Variants in AP3S1 observed in about 807,000 individuals in gnomAD.
The protein encoded by AP3S1 is adaptor related protein complex 3 subunit sigma 1.
AP3S1 carries 12 observed loss-of-function variants against 21.3 expected under a neutral mutation model. The observed-to-expected ratio is 0.56, with a 90% CI of 0.36 to 0.91. The LOEUF is 0.91. Ranked by LOEUF, AP3S1 falls within the 40% of genes least tolerant of loss-of-function variation. The pLI is 0.01. For synonymous variants in AP3S1, 48 were observed against 78.4 expected, an observed-to-expected ratio of 0.61 and a Z score of 2.05; for missense variants, 116 against 225.0, an observed-to-expected ratio of 0.52 and a Z score of 3.10.
At chr5:115,864,713 G>A (rs1214734735) in intron 1 of AP3S1, among the ~76,000 whole-genome samples, 2 of 152,188 alleles carry the variant, frequency 1.3e-5, no homozygotes, top group African/African-American at 2.4e-5. Context: ...AAAAAAGGTG[G>A]GAGAATGAAG....
At chr5:115,899,107 G>A (rs1170055460) in intron 4 of AP3S1, among the ~76,000 whole-genome samples, 1 of 152,172 alleles carries the variant, frequency 6.6e-6, no homozygotes, top group African/African-American at 2.4e-5. Context: ...CAAGTGATTA[G>A]GGTAGAGATC....
intron 1 of AP3S1, among the ~76,000 whole-genome samples, chr5:115,861,648 A>G (rs1191704649): frequency 6.6e-6 from 1 of 151,934 alleles, no homozygotes; most frequent in Non-Finnish European, 1.5e-5. Flanking sequence ...TCCACCTCCC[A>G]GGCTCAAGCA....
chr5:115,879,741 C>G (rs531198941), intron 3 of AP3S1, among the ~76,000 whole-genome samples: 1 of 152,238 alleles, frequency 6.6e-6, no homozygotes, highest in African/African-American at 2.4e-5. Context: ...GGAGGAGACT[C>G]TCTTTTTCCA....
At chr5:115,882,643 C>T (rs1270037933) in intron 3 of AP3S1, among the ~76,000 whole-genome samples, 4 of 152,182 alleles carry the variant, frequency 2.6e-5, no homozygotes, top group Non-Finnish European at 5.9e-5. Flanking sequence ...TTGACCCGTG[C>T]TGGGAGGTGT....
intron 4 of AP3S1, among the ~76,000 whole-genome samples, chr5:115,900,241 C>G (rs1251849695): frequency 6.6e-6 from 1 of 152,100 alleles, no homozygotes; most frequent in African/African-American, 2.4e-5. Flanking sequence ...GGTTGCTTTT[C>G]TAATATCCAC....
intron 1 of AP3S1, among the ~76,000 whole-genome samples, chr5:115,845,362 A>G (rs538728408): frequency 1.6e-4 from 24 of 152,304 alleles, no homozygotes; most frequent in African/African-American, 5.8e-4. Flanking sequence ...ATCTCCCTCA[A>G]ATATAACAAC....
In AP3S1 at chr5:115,913,550, T is replaced by C; in HGVS notation, c.*60T>C. The C allele has an allele frequency of 6.3e-7, 1 of 1,577,822 alleles. No individual in the cohort carries two copies. The highest frequency in any genetic ancestry group is 1.2e-5 in the South Asian group (1 of 83,860). ...GGGGAAGAGTCATCTAAGTTTACCA[T>C]GCAGTTGTTTACCAAAAATAGAGGA... On this transcript the variant is annotated 3_prime_UTR_variant, in exon 6 of 6. Coordinates refer to ENST00000316788, the MANE Select transcript of AP3S1 (RefSeq NM_001284.4).
intron 3 of AP3S1, among the ~76,000 whole-genome samples, chr5:115,892,991 CTG>C (rs763819689): frequency 2.6e-5 from 4 of 152,122 alleles, no homozygotes; most frequent in Non-Finnish European, 5.9e-5. Context: ...ACAAAATTAA[CTG>C]TATATATTAA....
At chr5:115,890,159 A>G (rs1057051050) in intron 3 of AP3S1, among the ~76,000 whole-genome samples, 1 of 152,226 alleles carries the variant, frequency 6.6e-6, no homozygotes, top group Non-Finnish European at 1.5e-5. Context: ...TACAATCAGT[A>G]GATATGTGTA....
chr5:115,850,041 A>T (rs922156999), intron 1 of AP3S1, among the ~76,000 whole-genome samples: 13 of 152,130 alleles, frequency 8.5e-5, no homozygotes, highest in East Asian at 5.8e-4. Flanking sequence ...TTCTTAGCTT[A>T]TTGTCTTAAT....
chr5:115,875,634 C>T (rs1449170593), intron 3 of AP3S1, among the ~76,000 whole-genome samples: 1 of 152,206 alleles, frequency 6.6e-6, no homozygotes, highest in Non-Finnish European at 1.5e-5. Flanking sequence ...GGTGCAGTTC[C>T]TCCTGCTGGA....
At chr5:115,890,939 C>CAA (rs1229422526) in intron 3 of AP3S1, among the ~76,000 whole-genome samples, 1 of 152,084 alleles carries the variant, frequency 6.6e-6, no homozygotes, top group Non-Finnish European at 1.5e-5. Context: ...CTCTTCACTC[C>CAA]TATTATTACT....
intron 4 of AP3S1, among the ~76,000 whole-genome samples, chr5:115,902,485 A>G (rs1181545821): frequency 1.3e-5 from 2 of 152,134 alleles, no homozygotes; most frequent in Non-Finnish European, 2.9e-5. Flanking sequence ...TAATAACCTA[A>G]TTATTGTTGG....
chr5:115,898,517 A>C (rs1356216657), intron 4 of AP3S1: 1 of 152,240 alleles, frequency 6.6e-6, no homozygotes, highest in African/African-American at 2.4e-5. Context: ...TTTATTACTC[A>C]CATAATGAGG....
At position 115,888,471 on chromosome 5, in the gene AP3S1, C is replaced by T. The variant is rs533564740; in HGVS notation, c.274-6616C>T. Among the ~76,000 whole-genome samples the T allele has an allele frequency of 1.1e-4, 16 of 152,102 alleles. No individual in the cohort carries two copies. The South Asian group carries it at 3.1e-3, about 30-fold the overall frequency. On this transcript the variant is annotated intron_variant, in intron 3 of 5. Transcript: ENST00000316788. ...TGATATTAAATAATTTTTGCTAAAT[C>T]AAAAGAAAATTAGAAAGTCTTTTGA... is the stretch of plus-strand genomic sequence containing the variant.
In AP3S1 at chr5:115,869,999, A is replaced by G; in HGVS notation, c.162-18A>G. 1.7e-6 allele frequency: 2 copies of G among 1,169,466 alleles called. No homozygotes were observed. 72.4% of individuals were successfully genotyped at this position (1,169,466 alleles called of 1,614,324 possible). On this transcript the variant is annotated intron_variant, in intron 2 of 5. Transcript: ENST00000316788. ...CGCATTTTGTTTCCAATAACATTAC[A>G]ATTTTTTTGTCATTTAGATTAATTG...
At chr5:115,872,337 A>G (rs1748338991) in intron 3 of AP3S1, among the ~76,000 whole-genome samples, 1 of 152,044 alleles carries the variant, frequency 6.6e-6, no homozygotes. Context: ...ATAAATGATA[A>G]ATTGATCTAT....
intron 5 of AP3S1, among the ~76,000 whole-genome samples, chr5:115,911,893 A>G (rs1752140784): frequency 6.6e-6 from 1 of 152,044 alleles, no homozygotes; most frequent in South Asian, 2.1e-4. Context: ...CATCCATTAA[A>G]TTATAAAACT....
intron 1 of AP3S1, among the ~76,000 whole-genome samples, chr5:115,843,560 T>TAA (rs1761818510): frequency 6.6e-6 from 1 of 152,258 alleles, no homozygotes; most frequent in Non-Finnish European, 1.5e-5. Flanking sequence ...CCATTAACTT[T>TAA]ACCTGTTTGT....
Sources: allele counts gnomAD v4.1 joint callset (sites outside exome capture counted in the v4.1 genomes callset), GRCh38; gene constraint gnomAD v4.1.1; transcripts MANE v1.5; gene names NCBI Gene and HGNC (gene_info 2026-07-23, HGNC 2026-07-21).